DOCK4: variants seen among roughly 807,000 people sequenced by gnomAD.
DOCK4 encodes the protein dedicator of cytokinesis 4.
DOCK4 carries 97 observed loss-of-function variants against 268.1 expected under a neutral mutation model. The ratio of observed to expected loss-of-function variants is 0.36; its 90% confidence interval spans 0.31 to 0.43. DOCK4 has a LOEUF of 0.43. DOCK4 is among the 20% of genes least tolerant of loss of function. DOCK4 has a pLI of 1.00. For synonymous variants in DOCK4, 954 were observed against 887.2 expected (o/e 1.08, Z -1.34); for missense variants, 2,145 against 2,455.7 (o/e 0.87, Z 2.67).
chr7:111,845,583 T>C (rs1804034409), intron 24 of DOCK4, among the ~76,000 whole-genome samples: 1 of 152,110 alleles, frequency 6.6e-6, no homozygotes, highest in Non-Finnish European at 1.5e-5. Flanking sequence ...AAAACAAAAC[T>C]CTATGTACAA....
chr7:112,166,433 A>G (rs1471370118), intron 1 of DOCK4, among the ~76,000 whole-genome samples: 1 of 152,150 alleles, frequency 6.6e-6, no homozygotes, highest in African/African-American at 2.4e-5. Context: ...CCTGTCCACT[A>G]TTATTCTCAT....
chr7:111,909,281 T>A (rs529362420), intron 13 of DOCK4, among the ~76,000 whole-genome samples: 1 of 152,376 alleles, frequency 6.6e-6, no homozygotes, highest in South Asian at 2.1e-4. Flanking sequence ...TGAACTTTTT[T>A]ACTATGTTTC....
At chr7:112,077,121 TCAGC>T (rs1390122318) in intron 1 of DOCK4, among the ~76,000 whole-genome samples, 1 of 152,070 alleles carries the variant, frequency 6.6e-6, no homozygotes, top group Non-Finnish European at 1.5e-5. Flanking sequence ...AAGGTTACTG[TCAGC>T]CAGTAGTCAG....
At chr7:112,181,743 A>G (rs1819064194) in intron 1 of DOCK4, among the ~76,000 whole-genome samples, 1 of 152,160 alleles carries the variant, frequency 6.6e-6, no homozygotes, top group South Asian at 2.1e-4. Context: ...ACTCTTAACA[A>G]GAAAGAGTAA....
At chr7:112,161,642 G>A (rs1414213879) in intron 1 of DOCK4, among the ~76,000 whole-genome samples, 10 of 152,122 alleles carry the variant, frequency 6.6e-5, no homozygotes, top group Non-Finnish European at 5.9e-5. Flanking sequence ...AGAGAGGTTG[G>A]GCTGATTTAT....
intron 51 of DOCK4, among the ~76,000 whole-genome samples, chr7:111,733,213 AAGAC>A (rs1277919082): frequency 7.9e-5 from 12 of 152,218 alleles, no homozygotes; most frequent in Non-Finnish European, 1.8e-4. Flanking sequence ...GTAAGAAAGA[AAGAC>A]AGTTACAGAG....
chr7:112,091,083 A>G (rs1468768920), intron 1 of DOCK4, among the ~76,000 whole-genome samples: 2 of 152,114 alleles, frequency 1.3e-5, no homozygotes, highest in Admixed American at 6.5e-5. Flanking sequence ...TCCAAGGTAA[A>G]GGAAGGTCTC....
chr7:111,961,179 T>C (rs573525210), intron 8 of DOCK4, among the ~76,000 whole-genome samples: 2 of 152,266 alleles, frequency 1.3e-5, no homozygotes, highest in South Asian at 4.1e-4. Flanking sequence ...GTTTCCCCCT[T>C]TACTTAAAAA....
chr7:112,106,648 G>A (rs1317881890), intron 1 of DOCK4, among the ~76,000 whole-genome samples: 4 of 152,312 alleles, frequency 2.6e-5, no homozygotes, highest in African/African-American at 9.6e-5. Flanking sequence ...GAGTAGCATG[G>A]CTTCCTGATG....
chr7:111,913,220 C>T (rs911372383), intron 13 of DOCK4, among the ~76,000 whole-genome samples: 1 of 151,880 alleles, frequency 6.6e-6, no homozygotes, highest in African/African-American at 2.4e-5. Context: ...CCGCCTCAGC[C>T]TCAGTGCTGG....
chr7:112,145,973 A>C (rs1185905128), intron 1 of DOCK4, among the ~76,000 whole-genome samples: 6 of 152,216 alleles, frequency 3.9e-5, no homozygotes, highest in Non-Finnish European at 7.3e-5. Context: ...TTTGTGATAT[A>C]GAAAATGAGA....
intron 1 of DOCK4, among the ~76,000 whole-genome samples, chr7:112,186,454 T>C (rs1819501409): frequency 6.6e-6 from 1 of 152,158 alleles, no homozygotes; most frequent in African/African-American, 2.4e-5. Flanking sequence ...AATTTCTCAC[T>C]AGTAAAAAGG....
intron 23 of DOCK4, among the ~76,000 whole-genome samples, chr7:111,859,473 A>T (rs1805298547): frequency 6.6e-6 from 1 of 152,128 alleles, no homozygotes; most frequent in African/African-American, 2.4e-5. Flanking sequence ...CTGGGAAAAT[A>T]AGATATAAAA....
intron 42 of DOCK4, 134 bp downstream of exon 42, chr7:111,755,381 A>G (rs1690204477): frequency 5.1e-6 from 4 of 789,248 alleles, no homozygotes; most frequent in Non-Finnish European, 8.4e-6. Context: ...AGCGGTCAAG[A>G]CCATAAACAT....
intron 1 of DOCK4, among the ~76,000 whole-genome samples, chr7:112,167,056 T>A (rs1344523541): frequency 6.6e-6 from 1 of 152,084 alleles, no homozygotes; most frequent in Non-Finnish European, 1.5e-5. Flanking sequence ...ATCAAACACA[T>A]CTCCAACAGT....
At position 112,181,639 on chromosome 7, in the gene DOCK4, C is replaced by CAAAAAA. The variant is rs55807955; in HGVS notation, c.37+24457_37+24462dup. ...TGAGCAACAGAGTAAGACACTGTCT[C>CAAAAAA]AAAAAAAAAAAAAAAAAAAAGCTTG... On this transcript the variant is annotated intron_variant, in intron 1 of 52. Transcript: ENST00000428084. Among the ~76,000 whole-genome samples the CAAAAAA allele has an allele frequency of 6.4e-3, 416 of 65,284 alleles. 33 individuals are homozygous for CAAAAAA. Among genetic ancestry groups the CAAAAAA allele is most frequent in the African/African-American group, 8.7e-3 (128 of 14,688 alleles). 42.8% of individuals were successfully genotyped at this position (65,284 alleles called of 152,430 possible). A position where few individuals can be genotyped will look rare whatever the true frequency, so the allele number is the denominator to read the frequency against.
chr7:111,781,650 G>A (rs1362513938), intron 35 of DOCK4, among the ~76,000 whole-genome samples: 1 of 152,132 alleles, frequency 6.6e-6, no homozygotes, highest in Non-Finnish European at 1.5e-5. Flanking sequence ...AAATGTGGAG[G>A]AGGCAGTGGG....
chr7:112,025,503 G>C (rs1468207), intron 1 of DOCK4, among the ~76,000 whole-genome samples: 1 of 151,820 alleles, frequency 6.6e-6, no homozygotes. Flanking sequence ...AACTCTATCA[G>C]TGTGATAAGT....
At chr7:111,928,954 A>G (rs1304665632) in intron 12 of DOCK4, among the ~76,000 whole-genome samples, 1 of 152,214 alleles carries the variant, frequency 6.6e-6, no homozygotes, top group Non-Finnish European at 1.5e-5. Flanking sequence ...TTTGCAGATT[A>G]GATAACAGTA....
Sources: gnomAD v4.1 joint callset for allele counts (sites outside exome capture counted in the v4.1 genomes callset) on GRCh38, gnomAD v4.1.1 for gene constraint, MANE v1.5 for transcripts, NCBI Gene and HGNC (gene_info 2026-07-23, HGNC 2026-07-21) for gene names.